Variants in DNAH7 observed in about 807,000 individuals in gnomAD.
DNAH7 encodes the protein dynein axonemal heavy chain 7.
DNAH7 carries 397 observed loss-of-function variants against 444.6 expected under a neutral mutation model. That is an observed-to-expected ratio of 0.89 (90% CI 0.82 to 0.97). The LOEUF (loss-of-function observed/expected upper bound fraction) is 0.97, where lower values mean the gene tolerates loss of function less well. DNAH7 is among the 50% of genes least tolerant of loss of function. DNAH7 has a pLI of 0.00. For missense variants in DNAH7, 4,902 were observed against 4,800.8 expected (o/e 1.02, Z -0.62); for synonymous variants, 1,636 against 1,624.4 (o/e 1.01, Z -0.17).
chr2:195,759,311 T>C (rs559969787), intron 61 of DNAH7, among the ~76,000 whole-genome samples: 7 of 152,132 alleles, frequency 4.6e-5, no homozygotes, highest in African/African-American at 1.7e-4. Flanking sequence ...GAACCTGCAC[T>C]CTTGAAGGGA....
At chr2:195,781,131 A>G (rs16839903) in intron 58 of DNAH7, among the ~76,000 whole-genome samples, 2,083 of 152,302 alleles carry the variant, frequency 0.014, 48 homozygotes, top group African/African-American at 0.047. Context: ...TATGCTTCCA[A>G]CTGCAAATGT....
In DNAH7 at chr2:195,922,081, G is replaced by C. The variant is rs768310171; in HGVS notation, c.3935+7C>G. On this transcript the variant is annotated splice_region_variant and intron_variant, in intron 24 of 64. Transcript: ENST00000312428. ...TTTCCAATAGATCCTTAAATTAAAG[G>C]GTTTACCTGTAACATCTATCCGTGA... 2 of 1,506,936 alleles carry C rather than the reference G, an allele frequency of 1.3e-6. No homozygotes were observed. Among genetic ancestry groups the C allele is most frequent in the Admixed American group, 3.3e-5 (2 of 59,724 alleles). 93.3% of individuals were successfully genotyped at this position (1,506,936 alleles called of 1,614,324 possible). A position where few individuals can be genotyped will look rare whatever the true frequency, so the allele number is the denominator to read the frequency against.
At chr2:195,806,516 A>T (rs1420595265) in intron 54 of DNAH7, among the ~76,000 whole-genome samples, 1 of 152,230 alleles carries the variant, frequency 6.6e-6, no homozygotes, top group Non-Finnish European at 1.5e-5. Context: ...TAATCACAAA[A>T]TAAATAAAAT....
intron 35 of DNAH7, among the ~76,000 whole-genome samples, chr2:195,883,458 C>CT (rs1701535107): frequency 6.7e-6 from 1 of 148,788 alleles, no homozygotes; most frequent in Non-Finnish European, 1.5e-5. Flanking sequence ...CGCTCCCCCC[C>CT]CCCAAAAAAA....
intron 12 of DNAH7, among the ~76,000 whole-genome samples, chr2:195,989,106 A>G (rs13403027): frequency 0.1 from 15,422 of 152,186 alleles, 1,790 homozygotes; most frequent in African/African-American, 0.29. Flanking sequence ...ACTTAAGTCA[A>G]TTCCATATCT....
intron 60 of DNAH7, among the ~76,000 whole-genome samples, chr2:195,773,643 TCTTTA>T (rs1207989530): frequency 1.3e-5 from 2 of 152,184 alleles, no homozygotes; most frequent in Middle Eastern, 3.2e-3. Context: ...TTACTATCTT[TCTTTA>T]GAGTTATCAC....
At chr2:195,878,196 C>A (rs16841387) in intron 36 of DNAH7, among the ~76,000 whole-genome samples, 36,099 of 152,106 alleles carry the variant, frequency 0.24, 5,684 homozygotes, top group African/African-American at 0.45. Flanking sequence ...AGCTTGCCTA[C>A]ATGATGTACA....
intron 2 of DNAH7, among the ~76,000 whole-genome samples, chr2:196,051,778 AT>A (rs975082237): frequency 2.0e-5 from 3 of 152,168 alleles, no homozygotes; most frequent in African/African-American, 7.2e-5. Flanking sequence ...AGAAAAAAAA[AT>A]AAATAAAAAA....
chr2:195,893,208 T>C (rs341941), intron 30 of DNAH7: 45,102 of 150,412 alleles, frequency 0.3, 9,444 homozygotes, highest in African/African-American at 0.6. Context: ...CCTTGGCCTC[T>C]CAAAGGGCCA....
intron 2 of DNAH7, among the ~76,000 whole-genome samples, chr2:196,057,407 T>A (rs78230989): frequency 0.037 from 5,673 of 152,278 alleles, 159 homozygotes; most frequent in Middle Eastern, 0.061. Flanking sequence ...ATTTGTCAAA[T>A]TTTTTAAAAG....
At position 196,058,073 on chromosome 2, in the gene DNAH7, A is replaced by C. The variant is rs769360934; in HGVS notation, c.59T>G (p.Phe20Cys). ...SKEKSKKPVR[F>C]LPQLSMEKLA... ...AATTACCATAGACAGCTGTGGTAGA[A>C]ATCTTACTGGTTTCTTGGATTTTTC... The change falls in exon 2 of 65, where the codon TTT (phenylalanine) becomes TGT (cysteine). Residue 20 changes from phenylalanine (F) to cysteine (C), a missense_variant. Physicochemically the swap from Phe to Cys is radical, Grantham distance 205 (BLOSUM62 -2). Transcript: ENST00000312428. The C allele has an allele frequency of 3.2e-6, 5 of 1,576,196 alleles. No individual in the cohort carries two copies. The Admixed American group carries it at 7.3e-5, about 23-fold the overall frequency.
chr2:195,834,556 C>T (rs1310290715), intron 47 of DNAH7, 196 bp from the exon 48 acceptor site: 7 of 466,208 alleles, frequency 1.5e-5, no homozygotes, highest in Admixed American at 7.1e-5. Flanking sequence ...ACTACAGAAA[C>T]CATCCTGCAA....
At chr2:195,910,223 G>GTT (rs1210975715) in intron 24 of DNAH7, 28 bp from the exon 25 acceptor site, 1 of 1,487,074 alleles carries the variant, frequency 6.7e-7, no homozygotes, top group Non-Finnish European at 9.0e-7. Context: ...GACATTCTTT[G>GTT]TAGAATAATG....
In DNAH7 at chr2:195,809,818, C is replaced by T. The variant is rs778417940; in HGVS notation, c.9815G>A (p.Arg3272Gln). ...CAGCTTATCCTTTTCAAAGAGTGAC[C>T]GGCAGACATTAACATACAGTGAATA... ...FTYSLYVNVC[R>Q]SLFEKDKLLF... is the part of the protein sequence containing the mutation. The change falls in exon 52 of 65, where the codon CGG becomes CAG. Residue 3272 changes from arginine to glutamine, a missense_variant. Coordinates refer to ENST00000312428, the MANE Select transcript of DNAH7 (RefSeq NM_018897.3). The T allele has an allele frequency of 3.1e-5, 50 of 1,596,808 alleles. No homozygotes were observed. The highest frequency in any genetic ancestry group is 8.6e-5 in the Admixed American group (5 of 58,440).
At chr2:195,782,724 T>C (rs987402701) in intron 58 of DNAH7, among the ~76,000 whole-genome samples, 1 of 152,204 alleles carries the variant, frequency 6.6e-6, no homozygotes, top group African/African-American at 2.4e-5. Flanking sequence ...CTCTCCAGCA[T>C]TTAACAGGAT....
At chr2:195,942,327 G>A (rs1689505513) in intron 19 of DNAH7, among the ~76,000 whole-genome samples, 2 of 151,816 alleles carry the variant, frequency 1.3e-5, no homozygotes, top group Non-Finnish European at 2.9e-5. Context: ...CGGATACAGT[G>A]TGTTTGTTAT....
chr2:195,896,331 TC>T (rs1261504005), intron 29 of DNAH7, among the ~76,000 whole-genome samples: 1 of 152,196 alleles, frequency 6.6e-6, no homozygotes, highest in African/African-American at 2.4e-5. Flanking sequence ...ATCTTGTCTT[TC>T]ATTTTCTTAT....
chr2:195,872,492 A>G (rs1700777741), intron 39 of DNAH7, 23 bp from the exon 40 acceptor site: 1 of 1,498,418 alleles, frequency 6.7e-7, no homozygotes, highest in African/African-American at 1.4e-5. Context: ...TTAAATAAAA[A>G]GAAAGGAAAA....
At position 195,960,764 on chromosome 2, in the gene DNAH7, A is replaced by G. The variant is rs1691038625; in HGVS notation, c.2387T>C (p.Val796Ala). ...GPYHKVNPDQ[V>A]EADIGNYWRG... The stretch of plus-strand genomic sequence containing the variant: ...CCAGTAATTTCCAATATCTGCTTCT[A>G]CTTGGTCTGGATTCACTTTATGATA... Residue 796 changes from valine to alanine, a missense_variant, in exon 18 of 65, where the codon GTA (valine) becomes GCA (alanine). Physicochemically the swap from Val to Ala is moderately conservative, Grantham distance 64 (BLOSUM62 0). Transcript: ENST00000312428. The G allele has an allele frequency of 1.2e-6, 2 of 1,613,944 alleles. No homozygotes were observed. The highest frequency in any genetic ancestry group is 1.7e-6 in the Non-Finnish European group (2 of 1,180,008).
Sources: allele counts gnomAD v4.1 joint callset (sites outside exome capture counted in the v4.1 genomes callset), GRCh38; gene constraint gnomAD v4.1.1; transcripts MANE v1.5; gene names NCBI Gene and HGNC (gene_info 2026-07-23, HGNC 2026-07-21).